The following QRICH1 variants were observed in gnomAD, a reference collection of about 807,000 sequenced individuals.
The protein encoded by QRICH1 is glutamine rich 1.
In QRICH1, 16 loss-of-function variants were observed where a neutral mutation model predicts 87.1. The ratio of observed to expected loss-of-function variants is 0.18; its 90% CI spans 0.12 to 0.28. QRICH1 has a LOEUF of 0.28. QRICH1 is among the 10% of genes least tolerant of loss of function. The probability of loss-of-function intolerance (pLI) is 1.00; values close to 1 mark genes in which losing one functional copy is unlikely to be tolerated. For missense variants in QRICH1, 647 were observed against 951.7 expected (o/e 0.68, Z 4.21); for synonymous variants, 367 against 368.4 (o/e 1.00, Z 0.05).
intron 2 of QRICH1, among the ~76,000 whole-genome samples, chr3:49,066,465 CTTT>C (rs747105949): frequency 1.4e-5 from 2 of 143,328 alleles, no homozygotes. Flanking sequence ...CTTTACTTTT[CTTT>C]TTTTTTTTTT....
At chr3:49,075,315 C>A (rs2041928985) in intron 2 of QRICH1, among the ~76,000 whole-genome samples, 2 of 140,792 alleles carry the variant, frequency 1.4e-5, no homozygotes, top group Non-Finnish European at 1.5e-5. Flanking sequence ...GGTGACAGAG[C>A]AAGACCCTGT....
Position 49,089,421 on chromosome 3 carries a change from A to C in QRICH1, c.-22+4491T>G, listed in dbSNP as rs149462009. On this transcript the variant is annotated intron_variant, in intron 1 of 9. Transcript: ENST00000395443. ...TTTTTCCCAAATATTGACGGATTGT[A>C]AACTGGCACAACCACTTGCATTATC... Among the ~76,000 whole-genome samples the C allele has an allele frequency of 6.3e-4, 96 of 152,300 alleles. No individual in the cohort carries two copies. The East Asian group carries it at 0.019, about 29-fold the overall frequency.
intron 2 of QRICH1, among the ~76,000 whole-genome samples, chr3:49,058,840 C>A (rs2093417940): frequency 1.3e-5 from 2 of 152,280 alleles, no homozygotes; most frequent in Admixed American, 6.5e-5. Context: ...GTTGGTCAGG[C>A]TGGTCTCGAA....
intron 1 of QRICH1, among the ~76,000 whole-genome samples, chr3:49,090,099 G>A (rs2042245767): frequency 6.6e-6 from 1 of 152,182 alleles, no homozygotes; most frequent in African/African-American, 2.4e-5. Flanking sequence ...CAGACCACGA[G>A]GTCAGGAGTT....
chr3:49,078,962 G>A (rs1472494398), intron 1 of QRICH1, among the ~76,000 whole-genome samples: 3 of 152,048 alleles, frequency 2.0e-5, no homozygotes, highest in Non-Finnish European at 4.4e-5. Context: ...AAAGTGCTGG[G>A]ATTATAGACG....
At chr3:49,089,492 C>T (rs1340569712) in intron 1 of QRICH1, among the ~76,000 whole-genome samples, 2 of 152,074 alleles carry the variant, frequency 1.3e-5, no homozygotes, top group Admixed American at 6.6e-5. Flanking sequence ...GCAATTTTAC[C>T]CATCAGTATA....
chr3:49,036,034 C>T (rs1161245180), intron 6 of QRICH1, among the ~76,000 whole-genome samples: 4 of 151,180 alleles, frequency 2.6e-5, no homozygotes, highest in Non-Finnish European at 5.9e-5. Context: ...TGCAGTGAGG[C>T]AAGATTGTGC....
intron 2 of QRICH1, among the ~76,000 whole-genome samples, chr3:49,070,131 A>G (rs1315459800): frequency 6.6e-6 from 1 of 151,010 alleles, no homozygotes; most frequent in Non-Finnish European, 1.5e-5. Flanking sequence ...TTGGCTTCCC[A>G]GGTTCAAGCA....
At chr3:49,033,348 C>G (rs2093254141) in intron 6 of QRICH1, 120 bp from the exon 7 acceptor site, 1 of 537,810 alleles carries the variant, frequency 1.9e-6, no homozygotes, top group African/African-American at 2.0e-5. Flanking sequence ...GGGGACTCTC[C>G]CTAAAGTGTG....
intron 1 of QRICH1, chr3:49,092,359 GCA>G (rs1308053759): frequency 1.3e-5 from 2 of 151,966 alleles, no homozygotes; most frequent in Non-Finnish European, 2.9e-5. Flanking sequence ...AAAAAACTGT[GCA>G]CAGATACTTC....
intron 3 of QRICH1, among the ~76,000 whole-genome samples, chr3:49,051,728 T>A (rs1480676534): frequency 6.6e-6 from 1 of 152,052 alleles, no homozygotes; most frequent in Non-Finnish European, 1.5e-5. Flanking sequence ...CCTCTCTCCT[T>A]CGTTCAATGG....
intron 1 of QRICH1, among the ~76,000 whole-genome samples, chr3:49,088,326 G>C (rs1392349492): frequency 6.6e-6 from 1 of 151,766 alleles, no homozygotes; most frequent in Non-Finnish European, 1.5e-5. Flanking sequence ...ACGAAGTCTC[G>C]TTTTCTCACC....
At position 49,090,577 on chromosome 3, in the gene QRICH1, G is replaced by A. The variant is rs1244815521; in HGVS notation, c.-22+3335C>T. 4.3e-5 allele frequency among the ~76,000 whole-genome samples: 6 copies of A among 140,158 alleles called. No homozygotes were observed. The South Asian group carries it at 8.9e-4, about 21-fold the overall frequency. The allele number at this position is 140,158 out of a possible 152,430, so 91.9% of individuals were successfully genotyped here. A position where few individuals can be genotyped will look rare whatever the true frequency, so the allele number is the denominator to read the frequency against. On this transcript the variant is annotated intron_variant, in intron 1 of 9. Coordinates refer to ENST00000395443, the MANE Select transcript of QRICH1 (RefSeq NM_198880.3). Reference sequence around the variant, plus strand: ...CGGAAGGTGGAGGTTGCAGTGAGCCGAAATCGTGCTACTGCACTCCAGCCT... The same window carrying A: ...CGGAAGGTGGAGGTTGCAGTGAGCCAAAATCGTGCTACTGCACTCCAGCCT...
intron 6 of QRICH1, among the ~76,000 whole-genome samples, chr3:49,039,030 AAAAT>A (rs2093293643): frequency 6.6e-6 from 1 of 151,910 alleles, no homozygotes; most frequent in South Asian, 2.1e-4. Flanking sequence ...CCATCTCAAA[AAAAT>A]AAATAAATAA....
chr3:49,073,830 G>A (rs2041896546), intron 2 of QRICH1, among the ~76,000 whole-genome samples: 1 of 151,640 alleles, frequency 6.6e-6, no homozygotes, highest in Non-Finnish European at 1.5e-5. Context: ...CTTATTTTTG[G>A]TAGAAACAGG....
Position 49,057,141 on chromosome 3 carries a change from C to T in QRICH1, c.1059G>A (p.Lys353=). ...SGSPTALAAV[K]LEDDKEKMVG... ...CCATCTTCTCCTTGTCATCCTCCAG[C>T]TTAACAGCTGCCAGGGCTGTGGGTG... The change falls in exon 3 of 10, where the codon AAG becomes AAA. Residue 353 remains lysine (K), a synonymous_variant. Transcript: ENST00000395443. The surrounding 1 kb of genome is among the most constrained non-coding windows in gnomAD (Gnocchi z 5.4). 6.2e-7 allele frequency: 1 copy of T among 1,614,214 alleles called. No homozygotes were observed. Among genetic ancestry groups the T allele is most frequent in the East Asian group, 2.2e-5 (1 of 44,882 alleles).
intron 2 of QRICH1, among the ~76,000 whole-genome samples, chr3:49,073,450 G>A (rs1210823615): frequency 1.3e-5 from 2 of 150,994 alleles, no homozygotes; most frequent in African/African-American, 4.9e-5. Context: ...TGAGGCAGGA[G>A]AATCGTTTGA....
chr3:49,055,007 A>G (rs1408284606), intron 3 of QRICH1, among the ~76,000 whole-genome samples: 1 of 152,154 alleles, frequency 6.6e-6, no homozygotes, highest in Non-Finnish European at 1.5e-5. Flanking sequence ...TATATGTCAT[A>G]ATTATTCTGC....
intron 1 of QRICH1, among the ~76,000 whole-genome samples, chr3:49,080,250 G>A (rs2042032494): frequency 6.6e-6 from 1 of 152,100 alleles, no homozygotes; most frequent in Admixed American, 6.6e-5. Flanking sequence ...TACATTTCCT[G>A]AAATGTATTT....
Sources: allele counts gnomAD v4.1 joint callset (sites outside exome capture counted in the v4.1 genomes callset), GRCh38; gene constraint gnomAD v4.1.1; non-coding constraint Gnocchi (gnomAD v3.1); transcripts MANE v1.5; gene names NCBI Gene and HGNC (gene_info 2026-07-23, HGNC 2026-07-21).